The following PCDHA11 variants were observed in gnomAD, a reference collection of about 807,000 sequenced individuals.
PCDHA11 encodes protocadherin alpha-11.
Under a neutral mutation model 70.3 loss-of-function variants are expected in PCDHA11, and 61 were observed. The observed-to-expected ratio is 0.87, with a 90% confidence interval of 0.71 to 1.07. PCDHA11 has a LOEUF of 1.07. Among genes scored for constraint, PCDHA11 ranks in the 50% least tolerant of loss-of-function variants. The pLI is 0.00. For missense variants in PCDHA11, 1,324 were observed against 1,237.5 expected (o/e 1.07, Z -1.05); for synonymous variants, 633 against 555.1 (o/e 1.14, Z -1.97).
intron 1 of PCDHA11, among the ~76,000 whole-genome samples, chr5:140,892,875 G>A (rs1041608064): frequency 1.3e-5 from 2 of 152,022 alleles, no homozygotes; most frequent in Non-Finnish European, 2.9e-5. Flanking sequence ...CTATAATTTC[G>A]TATCCATTAA....
chr5:140,917,231 A>G (rs2077963769), intron 1 of PCDHA11, among the ~76,000 whole-genome samples: 1 of 151,360 alleles, frequency 6.6e-6, no homozygotes, highest in Admixed American at 6.6e-5. Context: ...TACGTTGTTA[A>G]ATCTAGGTAC....
intron 1 of PCDHA11, among the ~76,000 whole-genome samples, chr5:140,903,617 G>T (rs1488747657): frequency 1.3e-5 from 2 of 152,140 alleles, no homozygotes; most frequent in Non-Finnish European, 2.9e-5. Context: ...ACATGAATGT[G>T]CATGCATATG....
At chr5:140,968,166 C>G (rs782037307) in intron 1 of PCDHA11, 1 of 1,614,004 alleles carries the variant, frequency 6.2e-7, no homozygotes, top group Non-Finnish European at 8.5e-7. Flanking sequence ...GACAATCCAC[C>G]AAGCTTCCTG....
At chr5:140,995,267 C>T (rs552857413) in intron 3 of PCDHA11, among the ~76,000 whole-genome samples, 1 of 152,192 alleles carries the variant, frequency 6.6e-6, no homozygotes, top group Non-Finnish European at 1.5e-5. Context: ...GAATACAAGC[C>T]CTTTGATACC....
intron 3 of PCDHA11, among the ~76,000 whole-genome samples, chr5:141,004,044 T>G (rs2098148933): frequency 6.6e-6 from 1 of 152,234 alleles, no homozygotes; most frequent in African/African-American, 2.4e-5. Context: ...ATTGATCATT[T>G]GCTGATACTG....
intron 1 of PCDHA11, among the ~76,000 whole-genome samples, chr5:140,918,819 TG>T (rs2078870306): frequency 1.6e-5 from 1 of 61,992 alleles, no homozygotes; most frequent in Admixed American, 1.3e-4. Flanking sequence ...AACCAAAAAG[TG>T]GCCCCCTCCC....
Position 140,993,462 on chromosome 5 carries a change from T to A in PCDHA11, c.2539+10899T>A, listed in dbSNP as rs540334246. Among the ~76,000 whole-genome samples, 1,220 of 141,042 alleles carry A rather than the reference T, an allele frequency of 8.6e-3. 14 individuals carry two copies. The highest frequency in any genetic ancestry group is 0.02 in the African/African-American group (760 of 37,958). 92.5% of individuals were successfully genotyped at this position (141,042 alleles called of 152,430 possible). A position where few individuals can be genotyped will look rare whatever the true frequency, so the allele number is the denominator to read the frequency against. On this transcript the variant is annotated intron_variant, in intron 3 of 3. Coordinates refer to ENST00000398640, the MANE Select transcript of PCDHA11 (RefSeq NM_018902.5). ...CATTCCTGTTCTCCTTCTTTCTTTC[T>A]CACACACACACACACACACACACAC...
At chr5:140,876,058 C>G in intron 1 of PCDHA11, 4 of 1,613,868 alleles carry the variant, frequency 2.5e-6, no homozygotes, top group Non-Finnish European at 3.4e-6. Flanking sequence ...TGAATTAGTT[C>G]TTCGGAAGTT....
chr5:140,935,044 G>C (rs1246943645), intron 1 of PCDHA11, among the ~76,000 whole-genome samples: 1 of 151,942 alleles, frequency 6.6e-6, no homozygotes, highest in African/African-American at 2.4e-5. Context: ...CTTGATTTCT[G>C]GTATTACAAG....
intron 1 of PCDHA11, among the ~76,000 whole-genome samples, chr5:140,923,142 TA>T (rs1262526439): frequency 5.3e-5 from 8 of 152,122 alleles, no homozygotes; most frequent in East Asian, 3.9e-4. Context: ...AGGTGGAATA[TA>T]AAAAAAATTA....
At chr5:140,979,494 A>C (rs1284874558) in intron 2 of PCDHA11, among the ~76,000 whole-genome samples, 6 of 152,010 alleles carry the variant, frequency 3.9e-5, no homozygotes, top group African/African-American at 1.2e-4. Flanking sequence ...CACCTATTAG[A>C]GCCTCCTCAT....
chr5:140,871,236 ACTCACGCTG>A lies in PCDHA11; in HGVS notation c.2136_2144del (p.Thr713_Leu715del). 1 of 1,613,908 alleles carries A rather than the reference ACTCACGCTG, an allele frequency of 6.2e-7. No individual in the cohort carries two copies. The highest frequency in any genetic ancestry group is 8.5e-7 in the Non-Finnish European group (1 of 1,179,944). The stretch of plus-strand genomic sequence containing the variant: ...TCTGCGTGGTGTCCAGCCTCCTGGT[ACTCACGCTG>A]CTGCTGTATACGGCGCTGTGGTGGT... On this transcript the variant is annotated inframe_deletion, in exon 1 of 4. Coordinates refer to ENST00000398640, the MANE Select transcript of PCDHA11 (RefSeq NM_018902.5).
chr5:140,925,673 T>TAATAAA (rs2082657999), intron 1 of PCDHA11, among the ~76,000 whole-genome samples: 1 of 146,030 alleles, frequency 6.8e-6, no homozygotes, highest in Non-Finnish European at 1.5e-5. Context: ...ATAATAATAA[T>TAATAAA]AATAAAGCGA....
chr5:140,907,697 C>T (rs1425951971), intron 1 of PCDHA11, among the ~76,000 whole-genome samples: 2 of 152,202 alleles, frequency 1.3e-5, no homozygotes, highest in African/African-American at 2.4e-5. Context: ...GTGGAAGTCC[C>T]TGTTGCTGAG....
intron 1 of PCDHA11, chr5:140,883,224 C>T (rs782659730): frequency 1.2e-6 from 2 of 1,613,946 alleles, no homozygotes; most frequent in Non-Finnish European, 1.7e-6. Flanking sequence ...TATGAAATAT[C>T]CGTGGAGGCA....
In PCDHA11 at chr5:141,000,327, C is replaced by G. The variant is rs555445425; in HGVS notation, c.2540-9300C>G. On this transcript the variant is annotated intron_variant, in intron 3 of 3. Coordinates refer to ENST00000398640, the MANE Select transcript of PCDHA11 (RefSeq NM_018902.5). ...GAGTTCAAGACCAGCTTGGGCAACA[C>G]AGCAAGGCCCTATCTCTCTCTCTGT... is the stretch of plus-strand genomic sequence containing the variant. 3.5e-5 allele frequency among the ~76,000 whole-genome samples: 5 copies of G among 144,706 alleles called. No homozygotes were observed. The South Asian group carries it at 1.1e-3, about 32-fold the overall frequency. 94.9% of individuals were successfully genotyped at this position (144,706 alleles called of 152,430 possible). A position where few individuals can be genotyped will look rare whatever the true frequency, so the allele number is the denominator to read the frequency against.
At chr5:140,938,618 C>A (rs925273700) in intron 1 of PCDHA11, among the ~76,000 whole-genome samples, 1 of 152,138 alleles carries the variant, frequency 6.6e-6, no homozygotes, top group East Asian at 1.9e-4. Flanking sequence ...TTGGAATAAA[C>A]TCAGGTTGCT....
chr5:140,967,800 TGGCA>T, intron 1 of PCDHA11: 1 of 1,614,174 alleles, frequency 6.2e-7, no homozygotes, highest in Non-Finnish European at 8.5e-7. Context: ...CCAGTGCCCA[TGGCA>T]GGTCACTGCA....
chr5:140,993,238 T>A (rs896841031), intron 3 of PCDHA11, among the ~76,000 whole-genome samples: 1 of 152,182 alleles, frequency 6.6e-6, no homozygotes, highest in African/African-American at 2.4e-5. Context: ...TCTCTGAATC[T>A]GGGGATTTAG....
Sources: gnomAD v4.1 joint callset for allele counts (sites outside exome capture counted in the v4.1 genomes callset) on GRCh38, gnomAD v4.1.1 for gene constraint, MANE v1.5 for transcripts, NCBI Gene and HGNC (gene_info 2026-07-23, HGNC 2026-07-21) for gene names.